R3HDM1: variants seen among roughly 807,000 people sequenced by gnomAD.
R3HDM1 encodes R3H domain containing 1.
R3HDM1 carries 46 observed loss-of-function variants against 141.1 expected under a neutral mutation model. The ratio of observed to expected loss-of-function variants is 0.33; its 90% confidence interval spans 0.26 to 0.42. The LOEUF (loss-of-function observed/expected upper bound fraction) is 0.42. Ranked by LOEUF, R3HDM1 falls within the 10% of genes least tolerant of loss-of-function variation. The pLI is 1.00. For missense variants in R3HDM1, 1,184 were observed against 1,368.3 expected, an observed-to-expected ratio of 0.87 and a Z score of 2.12; for synonymous variants, 435 against 472.9, an observed-to-expected ratio of 0.92 and a Z score of 1.04.
chr2:135,637,689 A>G (rs2063397311), intron 11 of R3HDM1, among the ~76,000 whole-genome samples: 1 of 152,178 alleles, frequency 6.6e-6, no homozygotes, highest in Non-Finnish European at 1.5e-5. Flanking sequence ...TGATATAGGA[A>G]GTGAGGAAAG....
chr2:135,692,898 T>C (rs2072665379), intron 21 of R3HDM1, among the ~76,000 whole-genome samples: 1 of 152,148 alleles, frequency 6.6e-6, no homozygotes, highest in Admixed American at 6.5e-5. Flanking sequence ...ATTTGAGATA[T>C]CTTAATGGGT....
intron 1 of R3HDM1, among the ~76,000 whole-genome samples, chr2:135,547,101 A>G (rs116090869): frequency 0.01 from 1,570 of 152,346 alleles, 24 homozygotes; most frequent in African/African-American, 0.036. Context: ...TTTTGAACTC[A>G]GACACCTATC....
intron 1 of R3HDM1, among the ~76,000 whole-genome samples, chr2:135,547,088 A>ATT (rs1698848913): frequency 6.6e-6 from 1 of 152,172 alleles, no homozygotes; most frequent in Admixed American, 6.5e-5. Flanking sequence ...TAACTCCTCC[A>ATT]TCTTTTGAAC....
At chr2:135,596,956 T>C (rs2059245834) in intron 1 of R3HDM1, 1 of 916,828 alleles carries the variant, frequency 1.1e-6, no homozygotes, top group Admixed American at 6.2e-5. Context: ...GGATTTAAAA[T>C]TCATTTGATA....
At chr2:135,637,208 C>T (rs2063346550) in intron 11 of R3HDM1, among the ~76,000 whole-genome samples, 1 of 152,130 alleles carries the variant, frequency 6.6e-6, no homozygotes, top group Admixed American at 6.5e-5. Flanking sequence ...ATAGATGACA[C>T]AGCAGATAAG....
intron 24 of R3HDM1, 188 bp from the exon 25 acceptor site, chr2:135,721,736 C>T: frequency 2.3e-6 from 1 of 427,168 alleles, no homozygotes; most frequent in Non-Finnish European, 4.4e-6. Flanking sequence ...TACAGGCGCC[C>T]ACCACCAGGC....
intron 1 of R3HDM1, among the ~76,000 whole-genome samples, chr2:135,577,386 T>C (rs548416696): frequency 5.3e-3 from 195 of 36,800 alleles, no homozygotes; most frequent in Middle Eastern, 0.053. Flanking sequence ...ATCCCTAATA[T>C]ATAAAGAACT....
intron 1 of R3HDM1, among the ~76,000 whole-genome samples, chr2:135,545,952 A>C (rs532549259): frequency 6.6e-6 from 1 of 152,324 alleles, no homozygotes; most frequent in East Asian, 1.9e-4. Flanking sequence ...ATCCAGGGGC[A>C]ATCACCTGGG....
At chr2:135,654,593 CGTG>C (rs1310268013) in intron 18 of R3HDM1, among the ~76,000 whole-genome samples, 1 of 152,024 alleles carries the variant, frequency 6.6e-6, no homozygotes, top group East Asian at 1.9e-4. Flanking sequence ...GGATTACAGG[CGTG>C]AGCCACCATG....
chr2:135,667,212 A>G (rs1293213366), intron 19 of R3HDM1: 3 of 981,120 alleles, frequency 3.1e-6, no homozygotes, highest in African/African-American at 3.5e-5. Context: ...CTTCTTGGTT[A>G]AAGTGAGAGT....
chr2:135,662,065 G>T (rs1488492099), intron 19 of R3HDM1, among the ~76,000 whole-genome samples: 1 of 152,084 alleles, frequency 6.6e-6, no homozygotes, highest in African/African-American at 2.4e-5. Context: ...ATTTTTTAAT[G>T]AACTCATTTC....
At chr2:135,592,264 T>G (rs1189185285) in intron 1 of R3HDM1, among the ~76,000 whole-genome samples, 1 of 152,190 alleles carries the variant, frequency 6.6e-6, no homozygotes, top group Non-Finnish European at 1.5e-5. Context: ...GTCCAGAAAT[T>G]CCAAGAATTT....
intron 19 of R3HDM1, among the ~76,000 whole-genome samples, chr2:135,664,401 TAATG>T (rs2067195025): frequency 6.6e-6 from 1 of 152,188 alleles, no homozygotes; most frequent in South Asian, 2.1e-4. Context: ...TTCAACCAAA[TAATG>T]AAAACACTAG....
At chr2:135,542,084 A>G (rs1214182407) in intron 1 of R3HDM1, among the ~76,000 whole-genome samples, 1 of 152,170 alleles carries the variant, frequency 6.6e-6, no homozygotes, top group Non-Finnish European at 1.5e-5. Context: ...CACTATTTTA[A>G]ATAATTGTTT....
intron 20 of R3HDM1, among the ~76,000 whole-genome samples, chr2:135,679,074 T>C (rs960000169): frequency 1.4e-5 from 2 of 146,416 alleles, no homozygotes; most frequent in Non-Finnish European, 3.0e-5. Flanking sequence ...TTCTTTTTTT[T>C]TTTTTTTTTT....
intron 9 of R3HDM1, 128 bp downstream of exon 9, chr2:135,632,129 G>A (rs2062771439): frequency 5.0e-6 from 4 of 795,422 alleles, no homozygotes; most frequent in South Asian, 3.7e-5. Context: ...ATAACCTTAT[G>A]TGATAGGACT....
intron 1 of R3HDM1, among the ~76,000 whole-genome samples, chr2:135,567,903 CTTTTTTTTT>C (rs562748072): frequency 2.7e-5 from 2 of 73,820 alleles, no homozygotes. Flanking sequence ...CCACACCTGG[CTTTTTTTTT>C]TTTTTTTTTT....
chr2:135,648,415 A>G (rs1199619023), intron 16 of R3HDM1, among the ~76,000 whole-genome samples: 9 of 152,184 alleles, frequency 5.9e-5, no homozygotes, highest in Admixed American at 5.9e-4. Flanking sequence ...CTCTATTTAA[A>G]TTATTGCCTG....
intron 20 of R3HDM1, among the ~76,000 whole-genome samples, chr2:135,678,685 T>G (rs1425840930): frequency 6.6e-6 from 1 of 151,870 alleles, no homozygotes; most frequent in African/African-American, 2.4e-5. Context: ...CCCAATAATG[T>G]TAACCCTCCC....
Sources: gnomAD v4.1 joint callset for allele counts (sites outside exome capture counted in the v4.1 genomes callset) on GRCh38, gnomAD v4.1.1 for gene constraint, MANE v1.5 for transcripts, NCBI Gene and HGNC (gene_info 2026-07-23, HGNC 2026-07-21) for gene names.